RPS6KC1: variants seen among roughly 807,000 people sequenced by gnomAD.
RPS6KC1 encodes inactive ribosomal protein S6 kinase delta-1.
RPS6KC1 carries 54 observed loss-of-function variants against 103.8 expected under a neutral mutation model. That is an observed-to-expected ratio of 0.52 (90% confidence interval 0.42 to 0.65). The LOEUF (loss-of-function observed/expected upper bound fraction) is 0.65, where lower values mean the gene tolerates loss of function less well. Ranked by LOEUF, RPS6KC1 falls within the 30% of genes least tolerant of loss-of-function variation. The probability of loss-of-function intolerance (pLI) is 0.00; values close to 1 mark genes in which losing one functional copy is unlikely to be tolerated. For missense variants in RPS6KC1, 1,151 were observed against 1,253.8 expected, an observed-to-expected ratio of 0.92 and a Z score of 1.24; for synonymous variants, 439 against 438.7, an observed-to-expected ratio of 1.00 and a Z score of -0.01.
chr1:213,676,613 A>T, the RPS6KC1 span, among the ~76,000 whole-genome samples: 1 of 152,154 alleles, frequency 6.6e-6, no homozygotes, highest in Non-Finnish European at 1.5e-5. Context: ...AGCTGTTCAC[A>T]TTGCACCAAG....
chr1:213,445,006 A>AATATCC, the RPS6KC1 span, among the ~76,000 whole-genome samples: 1 of 152,270 alleles, frequency 6.6e-6, no homozygotes, highest in African/African-American at 2.4e-5. Context: ...CATCATCCCC[A>AATATCC]ATATCCCTAT....
At chr1:213,773,191 G>T in the RPS6KC1 span, among the ~76,000 whole-genome samples, 1 of 151,680 alleles carries the variant, frequency 6.6e-6, no homozygotes, top group Non-Finnish European at 1.5e-5. Flanking sequence ...ATTTGATTCG[G>T]CTGGATATGG....
chr1:213,521,460 A>G, the RPS6KC1 span, among the ~76,000 whole-genome samples: 3 of 152,218 alleles, frequency 2.0e-5, no homozygotes, highest in African/African-American at 7.2e-5. Flanking sequence ...GTGATTGCTG[A>G]TGGTTGGGGT....
the RPS6KC1 span, among the ~76,000 whole-genome samples, chr1:213,312,533 C>T: frequency 6.6e-6 from 1 of 152,142 alleles, no homozygotes; most frequent in Non-Finnish European, 1.5e-5. Flanking sequence ...GAGAGTGGTG[C>T]TGCAACTCCA....
the RPS6KC1 span, among the ~76,000 whole-genome samples, chr1:213,513,844 C>T: frequency 6.6e-6 from 1 of 152,178 alleles, no homozygotes. Context: ...GCAGCTTTAT[C>T]AGTGAACATG....
At chr1:213,311,315 T>G in the RPS6KC1 span, among the ~76,000 whole-genome samples, 19 of 152,138 alleles carry the variant, frequency 1.2e-4, no homozygotes, top group African/African-American at 4.6e-4. Context: ...ATTTTTTGTA[T>G]TTTTAGTAGA....
chr1:213,423,260 C>T, the RPS6KC1 span, among the ~76,000 whole-genome samples: 1 of 152,196 alleles, frequency 6.6e-6, no homozygotes, highest in South Asian at 2.1e-4. Context: ...TGATTGGCAG[C>T]AGCCCAGGAT....
chr1:213,420,876 C>T, the RPS6KC1 span, among the ~76,000 whole-genome samples: 2 of 152,168 alleles, frequency 1.3e-5, no homozygotes, highest in African/African-American at 2.4e-5. Context: ...GCACGCCTCT[C>T]TCCTGGCTTC....
At chr1:213,844,002 A>G in the RPS6KC1 span, among the ~76,000 whole-genome samples, 30 of 120,336 alleles carry the variant, frequency 2.5e-4, no homozygotes, top group African/African-American at 1.2e-3. Flanking sequence ...AGCTAGGGGG[A>G]AAAAAAAAAA....
At chr1:213,179,714 T>G (rs2092139371) in intron 8 of RPS6KC1, among the ~76,000 whole-genome samples, 1 of 152,122 alleles carries the variant, frequency 6.6e-6, no homozygotes, top group East Asian at 1.9e-4. Flanking sequence ...TGAACTGCAT[T>G]AGGATTAGGA....
chr1:213,337,298 G>A, the RPS6KC1 span, among the ~76,000 whole-genome samples: 207 of 152,280 alleles, frequency 1.4e-3, 2 homozygotes, highest in African/African-American at 4.5e-3. Context: ...GCAGTGGTGC[G>A]CTTAGATCTG....
chr1:213,405,399 T>C, the RPS6KC1 span, among the ~76,000 whole-genome samples: 1 of 152,236 alleles, frequency 6.6e-6, no homozygotes, highest in South Asian at 2.1e-4. Flanking sequence ...TTATTGTCCA[T>C]GGCAGGGATC....
chr1:213,226,264 G>C (rs909043009), intron 8 of RPS6KC1, among the ~76,000 whole-genome samples: 3 of 151,294 alleles, frequency 2.0e-5, no homozygotes, highest in Non-Finnish European at 4.4e-5. Flanking sequence ...AAACAAATGA[G>C]ACTTAAGGAA....
the RPS6KC1 span, among the ~76,000 whole-genome samples, chr1:213,595,439 G>T: frequency 6.6e-6 from 1 of 152,316 alleles, no homozygotes; most frequent in Admixed American, 6.5e-5. Context: ...TGATGAAACA[G>T]CCTCTTGTCC....
chr1:213,055,519 A>G (rs192386961), intron 1 of RPS6KC1, among the ~76,000 whole-genome samples: 2 of 152,352 alleles, frequency 1.3e-5, no homozygotes, highest in East Asian at 1.9e-4. Flanking sequence ...GAATACAGCT[A>G]TTATGAACAT....
intron 6 of RPS6KC1, among the ~76,000 whole-genome samples, chr1:213,151,000 C>A (rs1240131428): frequency 6.8e-6 from 1 of 147,282 alleles, no homozygotes; most frequent in Admixed American, 6.6e-5. Context: ...GGGCTGACCC[C>A]CCCCACCTCC....
At chr1:213,334,864 C>G in the RPS6KC1 span, among the ~76,000 whole-genome samples, 3 of 152,106 alleles carry the variant, frequency 2.0e-5, no homozygotes, top group South Asian at 6.2e-4. Context: ...ATTTACACAT[C>G]TATATGTACA....
chr1:213,111,662 A>T (rs1037627580), intron 4 of RPS6KC1, among the ~76,000 whole-genome samples: 1 of 152,288 alleles, frequency 6.6e-6, no homozygotes, highest in East Asian at 1.9e-4. Flanking sequence ...TGTATTTTTT[A>T]TTTTGCATGA....
the RPS6KC1 span, among the ~76,000 whole-genome samples, chr1:213,519,905 T>C: frequency 6.6e-6 from 1 of 152,150 alleles, no homozygotes; most frequent in Non-Finnish European, 1.5e-5. Context: ...TCCAGAAAAG[T>C]CTGTGAGCTG....
Sources: allele counts gnomAD v4.1 joint callset (sites outside exome capture counted in the v4.1 genomes callset), GRCh38; gene constraint gnomAD v4.1.1; transcripts MANE v1.5; gene names NCBI Gene and HGNC (gene_info 2026-07-23, HGNC 2026-07-21).